Variants in CACNA1C observed in about 807,000 individuals in gnomAD.
CACNA1C encodes the protein voltage-dependent L-type calcium channel subunit alpha-1C.
In CACNA1C, 30 loss-of-function variants were observed where a neutral mutation model predicts 229.0. The observed-to-expected ratio is 0.13, with a 90% CI of 0.10 to 0.18. The LOEUF is 0.18. Among genes scored for constraint, CACNA1C ranks in the 10% least tolerant of loss-of-function variants. The pLI is 1.00. For synonymous variants in CACNA1C, 1,114 were observed against 1,132.5 expected (o/e 0.98, Z 0.33); for missense variants, 1,658 against 2,845.0 (o/e 0.58, Z 9.49).
chr12:2,106,885 GCA>G (rs1565725104), intron 1 of CACNA1C, among the ~76,000 whole-genome samples: 5 of 73,714 alleles, frequency 6.8e-5, no homozygotes, highest in African/African-American at 1.3e-4. Flanking sequence ...CCTCAGCTGG[GCA>G]TCCTGAAGCC....
At chr12:2,598,881 G>A (rs879139567) in intron 21 of CACNA1C, among the ~76,000 whole-genome samples, 14 of 152,290 alleles carry the variant, frequency 9.2e-5, no homozygotes, top group South Asian at 4.2e-4. Flanking sequence ...TTTTCTGCTC[G>A]TGGAGAGTAG....
chr12:2,570,952 A>C (rs1243557079), intron 13 of CACNA1C, among the ~76,000 whole-genome samples: 2 of 152,208 alleles, frequency 1.3e-5, no homozygotes, highest in Non-Finnish European at 2.9e-5. Context: ...TGTTGGCATT[A>C]CAGAAAGTCC....
chr12:2,247,205 T>C (rs11608296), intron 3 of CACNA1C, among the ~76,000 whole-genome samples: 6,827 of 152,282 alleles, frequency 0.045, 187 homozygotes, highest in Middle Eastern at 0.068. Context: ...GGGGATGGCC[T>C]GTTATAACCT....
chr12:2,494,665 T>C (rs1456975407), intron 7 of CACNA1C, among the ~76,000 whole-genome samples: 1 of 152,238 alleles, frequency 6.6e-6, no homozygotes, highest in Non-Finnish European at 1.5e-5. Flanking sequence ...GACTTCTTCC[T>C]GAATCGGAAG....
At chr12:2,622,584 G>T (rs2153511637) in intron 29 of CACNA1C, among the ~76,000 whole-genome samples, 1 of 152,278 alleles carries the variant, frequency 6.6e-6, no homozygotes, top group East Asian at 1.9e-4. Flanking sequence ...AATTGAATTT[G>T]CAGTCCTCAT....
intron 29 of CACNA1C, among the ~76,000 whole-genome samples, chr12:2,617,527 C>CTCG (rs2081253462): frequency 6.6e-6 from 1 of 152,242 alleles, no homozygotes; most frequent in Non-Finnish European, 1.5e-5. Flanking sequence ...GGCAGCCGTC[C>CTCG]TCGTATCCAG....
rs373376532 is a variant in CACNA1C, at chr12:2,106,994, T to C, written c.50-8230T>C. Among the ~76,000 whole-genome samples the C allele has an allele frequency of 4.4e-3, 317 of 72,578 alleles. 11 individuals are homozygous for C. The highest frequency in any genetic ancestry group is 0.015 in the African/African-American group (280 of 18,306). The allele number at this position is 72,578 out of a possible 152,430, so 47.6% of individuals were successfully genotyped here. A position where few individuals can be genotyped will look rare whatever the true frequency, so the allele number is the denominator to read the frequency against. ...GGGAGGGTTTCCACCTCAGCTGGGG[T>C]GTCCTGAAGCCACTGGGTGCCCACC... On this transcript the variant is annotated intron_variant, in intron 1 of 46. Transcript: ENST00000399655.
chr12:2,543,603 T>G (rs2099876055), intron 9 of CACNA1C, among the ~76,000 whole-genome samples: 1 of 152,254 alleles, frequency 6.6e-6, no homozygotes, highest in Non-Finnish European at 1.5e-5. Flanking sequence ...GGCACTAATG[T>G]GTTCATATAT....
chr12:2,228,111 T>G (rs922306313), intron 3 of CACNA1C, among the ~76,000 whole-genome samples: 1 of 152,162 alleles, frequency 6.6e-6, no homozygotes, highest in African/African-American at 2.4e-5. Flanking sequence ...AAATGACACT[T>G]AGGGTTGCAT....
intron 3 of CACNA1C, among the ~76,000 whole-genome samples, chr12:2,239,872 C>T (rs2069137857): frequency 6.6e-6 from 1 of 152,174 alleles, no homozygotes; most frequent in South Asian, 2.1e-4. Context: ...GGAGGGCTGG[C>T]CCACGTGATG....
At position 2,181,150 on chromosome 12, in the gene CACNA1C, A is replaced by G. The variant is rs916061664; in HGVS notation, c.477+60720A>G. Among the ~76,000 whole-genome samples, 1 of 152,190 alleles carries G rather than the reference A, an allele frequency of 6.6e-6. No homozygotes were observed. The highest frequency in any genetic ancestry group is 1.5e-5 in the Non-Finnish European group (1 of 68,036). On this transcript the variant is annotated intron_variant, in intron 3 of 46. Transcript: ENST00000399655. This position sits in a 1 kb window ranked among gnomAD's most constrained non-coding sequence, Gnocchi z 4.0. ...AGCATGTAGCATAGTGCCTGTGGAC[A>G]GGAGAGCCCAGTCCGTGACGGCGGT... is the stretch of plus-strand genomic sequence containing the variant.
At chr12:2,631,398 C>G (rs1194617005) in intron 29 of CACNA1C, among the ~76,000 whole-genome samples, 4 of 152,190 alleles carry the variant, frequency 2.6e-5, no homozygotes, top group Admixed American at 2.6e-4. Context: ...CCTGCCCTTC[C>G]CTTCTGAAAT....
intron 1 of CACNA1C, among the ~76,000 whole-genome samples, chr12:1,986,310 C>A (rs574533247): frequency 6.6e-6 from 1 of 152,288 alleles, no homozygotes; most frequent in East Asian, 1.9e-4. Context: ...CATCCAGCTC[C>A]CTCCTCTAGA....
chr12:2,439,041 G>T (rs1028492819), intron 3 of CACNA1C, among the ~76,000 whole-genome samples: 2 of 152,122 alleles, frequency 1.3e-5, no homozygotes, highest in South Asian at 2.1e-4. Context: ...CCACTCCATT[G>T]CCCCCAAAGA....
chr12:2,556,597 T>C (rs907248945), intron 10 of CACNA1C, among the ~76,000 whole-genome samples: 1 of 152,152 alleles, frequency 6.6e-6, no homozygotes, highest in African/African-American at 2.4e-5. Context: ...GCTGTTGGGG[T>C]CCTCTTGTCA....
At chr12:2,246,786 C>T (rs1487029646) in intron 3 of CACNA1C, among the ~76,000 whole-genome samples, 1 of 152,188 alleles carries the variant, frequency 6.6e-6, no homozygotes, top group Non-Finnish European at 1.5e-5. Context: ...CATGGAGAAA[C>T]CTGCTGGCAC....
chr12:2,183,982 G>A (rs1399483382), intron 3 of CACNA1C, among the ~76,000 whole-genome samples: 1 of 152,206 alleles, frequency 6.6e-6, no homozygotes, highest in Admixed American at 6.5e-5. Flanking sequence ...TCTGGTATGT[G>A]CAGGAGAGGG....
intron 3 of CACNA1C, among the ~76,000 whole-genome samples, chr12:2,245,679 A>G (rs185555765): frequency 2.7e-4 from 41 of 152,298 alleles, no homozygotes; most frequent in Middle Eastern, 3.4e-3. Flanking sequence ...GTGAAAGTTC[A>G]TTTATTATCC....
At chr12:2,473,234 C>T (rs958202140) in intron 5 of CACNA1C, among the ~76,000 whole-genome samples, 2 of 152,188 alleles carry the variant, frequency 1.3e-5, no homozygotes, top group African/African-American at 2.4e-5. Context: ...TGTACCTGTA[C>T]AACCCAGCCC....
Sources: gnomAD v4.1 joint callset for allele counts (sites outside exome capture counted in the v4.1 genomes callset) on GRCh38, gnomAD v4.1.1 for gene constraint, Gnocchi (gnomAD v3.1) non-coding constraint, MANE v1.5 for transcripts, NCBI Gene and HGNC (gene_info 2026-07-23, HGNC 2026-07-21) for gene names.